SGCZ: variants seen among roughly 807,000 people sequenced by gnomAD.
SGCZ encodes zeta-sarcoglycan.
Under a neutral mutation model 41.3 loss-of-function variants are expected in SGCZ, and 40 were observed. That is an observed-to-expected ratio of 0.97 (90% CI 0.75 to 1.26). The LOEUF (loss-of-function observed/expected upper bound fraction) is 1.26, where lower values mean the gene tolerates loss of function less well. SGCZ is among the 50% of genes most tolerant of loss of function. The pLI is 0.00. For missense variants in SGCZ, 552 were observed against 369.8 expected (o/e 1.49, Z -4.04); for synonymous variants, 206 against 137.5 (o/e 1.50, Z -3.49).
At chr8:15,049,248 G>A (rs962648359) in intron 1 of SGCZ, among the ~76,000 whole-genome samples, 12 of 152,098 alleles carry the variant, frequency 7.9e-5, no homozygotes, top group South Asian at 2.1e-4. Context: ...TTACGCAAAC[G>A]GCATAGGGAT....
chr8:14,453,535 G>A (rs1198098092), intron 2 of SGCZ, among the ~76,000 whole-genome samples: 1 of 152,106 alleles, frequency 6.6e-6, no homozygotes, highest in Non-Finnish European at 1.5e-5. Context: ...GCAGGGAGAA[G>A]AAAAAGAAGC....
At chr8:14,523,339 G>C (rs1179110538) in intron 2 of SGCZ, among the ~76,000 whole-genome samples, 1 of 151,772 alleles carries the variant, frequency 6.6e-6, no homozygotes, top group Non-Finnish European at 1.5e-5. Flanking sequence ...CACTCCTTTA[G>C]GATAGATTTA....
At chr8:14,571,330 G>C (rs530053444) in intron 1 of SGCZ, among the ~76,000 whole-genome samples, 1 of 152,330 alleles carries the variant, frequency 6.6e-6, no homozygotes, top group African/African-American at 2.4e-5. Context: ...TGGGGACACA[G>C]AGCCAAACCA....
At chr8:14,191,237 A>G (rs1253929312) in intron 4 of SGCZ, among the ~76,000 whole-genome samples, 1 of 151,966 alleles carries the variant, frequency 6.6e-6, no homozygotes, top group Non-Finnish European at 1.5e-5. Flanking sequence ...TTGAATATTG[A>G]CCTTTATCAG....
chr8:14,288,975 G>A (rs1052788592), intron 3 of SGCZ, among the ~76,000 whole-genome samples: 1 of 152,006 alleles, frequency 6.6e-6, no homozygotes, highest in Non-Finnish European at 1.5e-5. Context: ...GTCATTCCAG[G>A]GGACTGCAAT....
chr8:14,797,239 G>A (rs1801163252), intron 1 of SGCZ, among the ~76,000 whole-genome samples: 2 of 152,158 alleles, frequency 1.3e-5, no homozygotes, highest in South Asian at 4.1e-4. Flanking sequence ...GGGCTCAGAA[G>A]ACAGGAAGAT....
chr8:14,174,458 T>C (rs1322419709), intron 4 of SGCZ, among the ~76,000 whole-genome samples: 1 of 152,050 alleles, frequency 6.6e-6, no homozygotes, highest in Non-Finnish European at 1.5e-5. Context: ...TTACTGGTAT[T>C]CCTGACAGAG....
rs527809068 is a variant in SGCZ, at chr8:14,587,862, A to C, written c.40-32936T>G. Among the ~76,000 whole-genome samples the C allele has an allele frequency of 6.6e-5, 10 of 152,228 alleles. No individual in the cohort carries two copies. In the East Asian group the frequency reaches 1.9e-3, roughly 29 times the overall value. On this transcript the variant is annotated intron_variant, in intron 1 of 7. Coordinates refer to ENST00000382080, the MANE Select transcript of SGCZ (RefSeq NM_139167.4). ...ATAGTTTTGCTATTTGGGTTTACCA[A>C]ATGCATTGTATTATAAACTGAGTTT...
At chr8:14,892,856 C>G (rs1265393885) in intron 1 of SGCZ, among the ~76,000 whole-genome samples, 1 of 152,064 alleles carries the variant, frequency 6.6e-6, no homozygotes, top group Admixed American at 6.6e-5. Flanking sequence ...TGTTCTCATC[C>G]AAATCTATCA....
chr8:15,175,045 C>T (rs1441556981), intron 1 of SGCZ, among the ~76,000 whole-genome samples: 2 of 128,274 alleles, frequency 1.6e-5, no homozygotes, highest in Admixed American at 7.3e-5. Flanking sequence ...AGCAAACCAC[C>T]ATACCACATG....
chr8:14,239,084 C>A (rs977447536), intron 3 of SGCZ, among the ~76,000 whole-genome samples: 2 of 151,670 alleles, frequency 1.3e-5, no homozygotes, highest in Non-Finnish European at 2.9e-5. Flanking sequence ...CCTAAAAGAT[C>A]TAAAATATTT....
chr8:14,362,342 C>G (rs374368433), intron 2 of SGCZ, among the ~76,000 whole-genome samples: 1 of 152,212 alleles, frequency 6.6e-6, no homozygotes, highest in Non-Finnish European at 1.5e-5. Context: ...CCAGTTCGAG[C>G]TTTCCTGCTG....
intron 2 of SGCZ, among the ~76,000 whole-genome samples, chr8:14,507,268 C>A (rs994702140): frequency 6.6e-6 from 1 of 152,084 alleles, no homozygotes; most frequent in Non-Finnish European, 1.5e-5. Flanking sequence ...TAAAGGCCAC[C>A]GTCTTTCTTA....
rs12680596 is a variant in SGCZ at position 14,192,509 on chromosome 8, C to T, written c.425-27807G>A. 2.0e-5 allele frequency among the ~76,000 whole-genome samples: 3 copies of T among 151,768 alleles called. No homozygotes were observed. The South Asian group carries it at 6.2e-4, about 32-fold the overall frequency. ...TATCTCCCAGAATTATTTTATAAAACTTACCCATACAATAACTCTGAATAC... is the reference window on the plus strand; with the variant it reads ...TATCTCCCAGAATTATTTTATAAAATTTACCCATACAATAACTCTGAATAC... On this transcript the variant is annotated intron_variant, in intron 4 of 7. Transcript: ENST00000382080.
At chr8:14,823,701 A>G (rs1210404430) in intron 1 of SGCZ, among the ~76,000 whole-genome samples, 1 of 152,202 alleles carries the variant, frequency 6.6e-6, no homozygotes, top group African/African-American at 2.4e-5. Flanking sequence ...TAGAACTACC[A>G]TATCATCCAG....
chr8:15,015,748 TGTG>T (rs1803007285), intron 1 of SGCZ, among the ~76,000 whole-genome samples: 2 of 149,670 alleles, frequency 1.3e-5, no homozygotes, highest in African/African-American at 4.9e-5. Flanking sequence ...TGTGTGTGTG[TGTG>T]TGTGTGTGTG....
At chr8:14,313,904 A>ATC (rs201354658) in intron 3 of SGCZ, among the ~76,000 whole-genome samples, 26,856 of 133,384 alleles carry the variant, frequency 0.2, 2,972 homozygotes, top group Non-Finnish European at 0.26. Flanking sequence ...GGGTTATATC[A>ATC]TCTCTCTGTG....
At chr8:14,943,300 C>T (rs914102052) in intron 1 of SGCZ, among the ~76,000 whole-genome samples, 4 of 152,134 alleles carry the variant, frequency 2.6e-5, no homozygotes, top group Non-Finnish European at 5.9e-5. Flanking sequence ...TATCCTTCTA[C>T]CTTAAATATT....
chr8:14,942,567 T>C (rs578073205), intron 1 of SGCZ, among the ~76,000 whole-genome samples: 8 of 152,286 alleles, frequency 5.3e-5, no homozygotes, highest in Middle Eastern at 3.4e-3. Context: ...TATTTGAATA[T>C]ATCTAAGGAA....
Sources: allele counts gnomAD v4.1 joint callset (sites outside exome capture counted in the v4.1 genomes callset), GRCh38; gene constraint gnomAD v4.1.1; transcripts MANE v1.5; gene names NCBI Gene and HGNC (gene_info 2026-07-23, HGNC 2026-07-21).